Variants in ZBTB26 observed in about 807,000 individuals in gnomAD.
The protein encoded by ZBTB26 is zinc finger and BTB domain containing 26.
In ZBTB26, 12 loss-of-function variants were observed where a neutral mutation model predicts 31.6. The ratio of observed to expected loss-of-function variants is 0.38; its 90% confidence interval spans 0.24 to 0.61. The LOEUF (loss-of-function observed/expected upper bound fraction) is 0.61. ZBTB26 is among the 20% of genes least tolerant of loss of function. The pLI, the probability that ZBTB26 is intolerant of heterozygous loss-of-function variation, is 0.60. For synonymous variants in ZBTB26, 155 were observed against 182.9 expected (o/e 0.85, Z 1.23); for missense variants, 311 against 521.9 (o/e 0.60, Z 3.94).
chr9:122,918,649 G>C lies in ZBTB26; in HGVS notation c.1286C>G (p.Ala429Gly), dbSNP rs577216773. 23 of 1,614,142 alleles carry C rather than the reference G, an allele frequency of 1.4e-5. No individual in the cohort carries two copies. The highest frequency in any genetic ancestry group is 3.3e-5 in the Admixed American group (2 of 60,026). Residue 429 changes from alanine (A) to glycine (G), a missense_variant, in exon 2 of 2, where the codon GCT (alanine) becomes GGT (glycine). By Grantham distance (60) the Ala-to-Gly change is moderately conservative (BLOSUM62 0). This residue lies in a region of ZBTB26 where 49 missense variants were observed against 66.0 expected (regional missense o/e 0.74). Transcript: ENST00000373656. The part of the protein sequence containing the change: ...QVLDAGKLAQ[A>G]VLNLRNDSTC... ...ACTATCATTTCTTAAGTTCAGGACA[G>C]CTTGGGCCAGTTTACCTGCATCCAG...
chr9:122,927,885 G>A (rs1467360894), intron 1 of ZBTB26, among the ~76,000 whole-genome samples: 4 of 151,928 alleles, frequency 2.6e-5, no homozygotes, highest in Non-Finnish European at 5.9e-5. Flanking sequence ...GCCCAGGCTT[G>A]AGTGCAGTGG....
chr9:122,931,125 C>T (rs1288609651), intron 1 of ZBTB26: 1 of 152,334 alleles, frequency 6.6e-6, no homozygotes, highest in African/African-American at 2.4e-5. Context: ...GGCTCGTTTT[C>T]TTAGGGCCTC....
chr9:122,926,953 A>C (rs985330534), intron 1 of ZBTB26, among the ~76,000 whole-genome samples: 1 of 152,220 alleles, frequency 6.6e-6, no homozygotes, highest in African/African-American at 2.4e-5. Flanking sequence ...TAATCATAAA[A>C]ATCACTCAGA....
At chr9:122,920,398 C>G (rs530662851) in intron 1 of ZBTB26, among the ~76,000 whole-genome samples, 1 of 152,280 alleles carries the variant, frequency 6.6e-6, no homozygotes, top group East Asian at 1.9e-4. Flanking sequence ...CACTTCAGAA[C>G]TCTAATATGG....
At chr9:122,922,600 C>A (rs1833117218) in intron 1 of ZBTB26, among the ~76,000 whole-genome samples, 1 of 152,156 alleles carries the variant, frequency 6.6e-6, no homozygotes, top group African/African-American at 2.4e-5. Flanking sequence ...ATTCCCATCG[C>A]CTAAGACTGC....
At chr9:122,930,152 A>G (rs1014428797) in intron 1 of ZBTB26, among the ~76,000 whole-genome samples, 2 of 152,084 alleles carry the variant, frequency 1.3e-5, no homozygotes, top group African/African-American at 4.8e-5. Flanking sequence ...TGCATTTCCA[A>G]CTCCATGCTG....
chr9:122,927,514 A>G (rs1833200579), intron 1 of ZBTB26, among the ~76,000 whole-genome samples: 1 of 152,196 alleles, frequency 6.6e-6, no homozygotes, highest in South Asian at 2.1e-4. Context: ...CTTTCAACTT[A>G]CCACTCAAAA....
At chr9:122,928,130 C>T (rs1004708168) in intron 1 of ZBTB26, among the ~76,000 whole-genome samples, 5 of 152,128 alleles carry the variant, frequency 3.3e-5, no homozygotes, top group Admixed American at 6.5e-5. Flanking sequence ...CCGCTGTGCC[C>T]GGCCCCTCCT....
chr9:122,923,837 C>T (rs930478635), intron 1 of ZBTB26, among the ~76,000 whole-genome samples: 1 of 152,122 alleles, frequency 6.6e-6, no homozygotes, highest in African/African-American at 2.4e-5. Flanking sequence ...GTGTTTTGTT[C>T]AACAATGAAC....
chr9:122,923,563 G>C (rs1008547269), intron 1 of ZBTB26, among the ~76,000 whole-genome samples: 1 of 152,220 alleles, frequency 6.6e-6, no homozygotes, highest in Non-Finnish European at 1.5e-5. Context: ...GTTCCAATTT[G>C]TAACCAGAGT....
intron 1 of ZBTB26, among the ~76,000 whole-genome samples, chr9:122,924,809 A>G (rs1443146772): frequency 6.6e-6 from 1 of 151,910 alleles, no homozygotes; most frequent in Non-Finnish European, 1.5e-5. Context: ...TATTTTTTGT[A>G]GAGGCAGGGT....
chr9:122,930,188 A>G (rs528776765), intron 1 of ZBTB26, among the ~76,000 whole-genome samples: 1 of 152,344 alleles, frequency 6.6e-6, no homozygotes, highest in East Asian at 1.9e-4. Context: ...CTGTCTCATT[A>G]GACCTTTAAT....
intron 1 of ZBTB26, among the ~76,000 whole-genome samples, chr9:122,930,349 T>A (rs921171188): frequency 2.0e-5 from 3 of 152,130 alleles, no homozygotes; most frequent in Non-Finnish European, 4.4e-5. Context: ...AATTATGGAG[T>A]CTTGACATAA....
At position 122,931,472 on chromosome 9, in the gene ZBTB26, C is replaced by A. The variant is rs1833286459; in HGVS notation, c.-46G>T. 6.6e-6 allele frequency: 1 copy of A among 152,566 alleles called. No homozygotes were observed. Among genetic ancestry groups the A allele is most frequent in the African/African-American group, 2.4e-5 (1 of 41,444 alleles). The allele number at this position is 152,566 out of a possible 1,614,324, so 9.5% of individuals were successfully genotyped here. On this transcript the variant is annotated 5_prime_UTR_variant, in exon 1 of 2. Coordinates refer to ENST00000373656, the MANE Select transcript of ZBTB26 (RefSeq NM_020924.4). Reference sequence around the variant, plus strand: ...GAAGGCCGCCGTCAGGATCCGGCACCGCCAGGAGCTCCGGCCCCTCGGGGC... The same window carrying A: ...GAAGGCCGCCGTCAGGATCCGGCACAGCCAGGAGCTCCGGCCCCTCGGGGC...
intron 1 of ZBTB26, among the ~76,000 whole-genome samples, chr9:122,920,595 T>C (rs1833080371): frequency 6.6e-6 from 1 of 152,260 alleles, no homozygotes; most frequent in Non-Finnish European, 1.5e-5. Context: ...TTCATACAAG[T>C]ATTTCTGCAA....
At chr9:122,924,011 A>G (rs1833140391) in intron 1 of ZBTB26, among the ~76,000 whole-genome samples, 1 of 152,196 alleles carries the variant, frequency 6.6e-6, no homozygotes, top group Non-Finnish European at 1.5e-5. Context: ...GTGTCATACA[A>G]CCCAGGTGTG....
Position 122,917,761 on chromosome 9 carries a change from C to T in ZBTB26, c.*848G>A, listed in dbSNP as rs145109166. On this transcript the variant is annotated 3_prime_UTR_variant, in exon 2 of 2. Transcript: ENST00000373656. ...CCCAAATAGCCTCTTTTTAGAGAGC[C>T]CACTATACTTTAGCACATTTTTAGC... The T allele has an allele frequency of 1.8e-3, 280 of 152,218 alleles. No individual in the cohort carries two copies. Among genetic ancestry groups the T allele is most frequent in the African/African-American group, 6.0e-3 (249 of 41,534 alleles). The allele number at this position is 152,218 out of a possible 1,614,324, so 9.4% of individuals were successfully genotyped here. A position where few individuals can be genotyped will look rare whatever the true frequency, so the allele number is the denominator to read the frequency against.
At chr9:122,923,011 C>T (rs1833124443) in intron 1 of ZBTB26, among the ~76,000 whole-genome samples, 1 of 151,710 alleles carries the variant, frequency 6.6e-6, no homozygotes, top group Admixed American at 6.6e-5. Context: ...CAGTGAAACC[C>T]CATCTCTACT....
intron 1 of ZBTB26, among the ~76,000 whole-genome samples, chr9:122,921,338 T>C (rs1833095072): frequency 6.6e-6 from 1 of 152,126 alleles, no homozygotes. Flanking sequence ...CAGTCTTCTA[T>C]GAGATTGGTA....
Sources: gnomAD v4.1 joint callset for allele counts (sites outside exome capture counted in the v4.1 genomes callset) on GRCh38, gnomAD v4.1.1 for gene constraint, gnomAD v4.1.1 regional missense constraint, MANE v1.5 for transcripts, NCBI Gene and HGNC (gene_info 2026-07-23, HGNC 2026-07-21) for gene names.